The following ASIC2 variants were observed in gnomAD, a reference collection of about 807,000 sequenced individuals.
ASIC2 encodes acid-sensing ion channel 2.
A neutral mutation model predicts 57.3 loss-of-function variants in ASIC2; 25 were observed. The observed-to-expected ratio is 0.44, with a 90% confidence interval of 0.32 to 0.61. ASIC2 has a LOEUF of 0.61. Among genes scored for constraint, ASIC2 ranks in the 20% least tolerant of loss-of-function variants. ASIC2 has a pLI of 0.06. For missense variants in ASIC2, 641 were observed against 738.1 expected, an observed-to-expected ratio of 0.87 and a Z score of 1.52; for synonymous variants, 319 against 307.5, an observed-to-expected ratio of 1.04 and a Z score of -0.39.
At chr17:33,308,689 T>C (rs1906280903) in intron 1 of ASIC2, among the ~76,000 whole-genome samples, 3 of 152,310 alleles carry the variant, frequency 2.0e-5, no homozygotes, top group Middle Eastern at 3.4e-3. Flanking sequence ...AACAACTCTA[T>C]TCTTCTGATA....
At chr17:34,044,534 C>T (rs1908265841) in intron 1 of ASIC2, among the ~76,000 whole-genome samples, 2 of 152,144 alleles carry the variant, frequency 1.3e-5, no homozygotes, top group Non-Finnish European at 2.9e-5. Flanking sequence ...CAAGGGTGAA[C>T]TTTAATCTCA....
At chr17:33,826,784 G>A (rs1052993017) in intron 1 of ASIC2, among the ~76,000 whole-genome samples, 3 of 152,282 alleles carry the variant, frequency 2.0e-5, no homozygotes, top group Admixed American at 1.3e-4. Context: ...GAGGGAAGTC[G>A]TTAAAAGGAA....
chr17:33,898,896 C>A (rs898693510), intron 1 of ASIC2, among the ~76,000 whole-genome samples: 1 of 152,134 alleles, frequency 6.6e-6, no homozygotes, highest in Non-Finnish European at 1.5e-5. Flanking sequence ...ATTAACTTTC[C>A]ATTTTTCCAT....
chr17:33,393,358 T>A (rs1243991313), intron 1 of ASIC2, among the ~76,000 whole-genome samples: 1 of 152,094 alleles, frequency 6.6e-6, no homozygotes, highest in East Asian at 1.9e-4. Flanking sequence ...TCATCGCTCA[T>A]GCTTTTCCTT....
At chr17:33,922,553 G>A (rs984033421) in intron 1 of ASIC2, among the ~76,000 whole-genome samples, 3 of 152,324 alleles carry the variant, frequency 2.0e-5, no homozygotes, top group Admixed American at 2.0e-4. Flanking sequence ...GGTGGAGAGA[G>A]ACATGGATAT....
At chr17:33,458,079 G>A (rs1264950199) in intron 1 of ASIC2, among the ~76,000 whole-genome samples, 1 of 152,176 alleles carries the variant, frequency 6.6e-6, no homozygotes, top group African/African-American at 2.4e-5. Context: ...AGGCGTCTTT[G>A]GGGCTAGGTC....
chr17:33,439,955 C>A (rs1911767294), intron 1 of ASIC2, among the ~76,000 whole-genome samples: 1 of 152,176 alleles, frequency 6.6e-6, no homozygotes, highest in Non-Finnish European at 1.5e-5. Flanking sequence ...CTTTATAGAG[C>A]AGGACGACTG....
chr17:33,382,634 C>T (rs534091286), intron 1 of ASIC2, among the ~76,000 whole-genome samples: 1 of 152,304 alleles, frequency 6.6e-6, no homozygotes, highest in Non-Finnish European at 1.5e-5. Flanking sequence ...ACAGCTCATT[C>T]GATTCCCTGT....
intron 1 of ASIC2, among the ~76,000 whole-genome samples, chr17:33,880,591 G>T (rs1356214411): frequency 6.6e-6 from 1 of 152,080 alleles, no homozygotes; most frequent in African/African-American, 2.4e-5. Context: ...CCAATAACAG[G>T]CTCTGAAATT....
intron 1 of ASIC2, among the ~76,000 whole-genome samples, chr17:33,234,276 C>G (rs1348232062): frequency 6.6e-6 from 1 of 152,218 alleles, no homozygotes; most frequent in African/African-American, 2.4e-5. Context: ...TTGTAATTTA[C>G]TAAAAGTGGG....
At chr17:34,107,066 T>C (rs1399848097) in intron 1 of ASIC2, among the ~76,000 whole-genome samples, 4 of 152,204 alleles carry the variant, frequency 2.6e-5, no homozygotes, top group Non-Finnish European at 5.9e-5. Context: ...CTTAAACATA[T>C]ATACACACAT....
intron 1 of ASIC2, among the ~76,000 whole-genome samples, chr17:34,068,730 A>G (rs1909270466): frequency 6.6e-6 from 1 of 152,156 alleles, no homozygotes; most frequent in Non-Finnish European, 1.5e-5. Flanking sequence ...TAGCGTTTCA[A>G]AATTAAAGAC....
At chr17:33,377,322 A>G (rs1415820263) in intron 1 of ASIC2, among the ~76,000 whole-genome samples, 2 of 152,232 alleles carry the variant, frequency 1.3e-5, no homozygotes, top group Non-Finnish European at 2.9e-5. Context: ...AAGTGCTGCA[A>G]TTACAGGCGT....
At chr17:34,116,202 T>A (rs1203256640) in intron 1 of ASIC2, among the ~76,000 whole-genome samples, 3 of 152,198 alleles carry the variant, frequency 2.0e-5, no homozygotes, top group Non-Finnish European at 2.9e-5. Flanking sequence ...AAGATTACAG[T>A]TGCATTGACC....
At chr17:33,344,922 C>A (rs1023867743) in intron 1 of ASIC2, among the ~76,000 whole-genome samples, 1 of 144,818 alleles carries the variant, frequency 6.9e-6, no homozygotes, top group East Asian at 2.2e-4. Flanking sequence ...ATATATGCAA[C>A]AAAACCTTGG....
rs536982829 is a variant in ASIC2 at position 33,951,718 on chromosome 17, G to T, written c.555+204260C>A. Reference sequence around the variant, plus strand: ...CTGCCTCAGCCTCCAGAGTAGCTGGGACTACAGGCGTGTGCCACCACGCCT... The same window carrying T: ...CTGCCTCAGCCTCCAGAGTAGCTGGTACTACAGGCGTGTGCCACCACGCCT... On this transcript the variant is annotated intron_variant, in intron 1 of 9. Transcript: ENST00000359872. Among the ~76,000 whole-genome samples, 27 of 151,490 alleles carry T rather than the reference G, an allele frequency of 1.8e-4. No individual in the cohort carries two copies. The East Asian group carries it at 5.1e-3, about 28-fold the overall frequency.
intron 1 of ASIC2, among the ~76,000 whole-genome samples, chr17:33,471,546 A>G (rs1913050799): frequency 6.6e-6 from 1 of 152,224 alleles, no homozygotes; most frequent in Non-Finnish European, 1.5e-5. Flanking sequence ...CATACTGTAA[A>G]TAGCTATACC....
At chr17:33,267,952 C>T (rs1217071458) in intron 1 of ASIC2, among the ~76,000 whole-genome samples, 1 of 152,180 alleles carries the variant, frequency 6.6e-6, no homozygotes, top group African/African-American at 2.4e-5. Context: ...GTCACAAGAT[C>T]TTAATTTCTT....
intron 1 of ASIC2, among the ~76,000 whole-genome samples, chr17:33,602,889 C>G (rs555185679): frequency 1.3e-5 from 2 of 152,228 alleles, no homozygotes; most frequent in Non-Finnish European, 2.9e-5. Flanking sequence ...CTACCTTGTA[C>G]CTTTTTCCTC....
Sources: allele counts gnomAD v4.1 joint callset (sites outside exome capture counted in the v4.1 genomes callset), GRCh38; gene constraint gnomAD v4.1.1; transcripts MANE v1.5; gene names NCBI Gene and HGNC (gene_info 2026-07-23, HGNC 2026-07-21).